Variants in PRUNE2 observed in about 807,000 individuals in gnomAD.
PRUNE2 encodes protein prune homolog 2.
Under a neutral mutation model 252.0 loss-of-function variants are expected in PRUNE2, and 164 were observed. The ratio of observed to expected loss-of-function variants is 0.65; its 90% CI spans 0.57 to 0.74. The LOEUF (loss-of-function observed/expected upper bound fraction) is 0.74. PRUNE2 is among the 30% of genes least tolerant of loss of function. The pLI is 0.00. For synonymous variants in PRUNE2, 1,292 were observed against 1,350.2 expected, an observed-to-expected ratio of 0.96 and a Z score of 0.94; for missense variants, 3,495 against 3,711.0, an observed-to-expected ratio of 0.94 and a Z score of 1.51.
rs1188182796 is a variant in PRUNE2, at chr9:76,706,326, A to T, written c.5948T>A (p.Val1983Asp). Residue 1983 changes from valine (V) to aspartate (D), a missense_variant, in exon 8 of 19, where the codon GTT (valine) becomes GAT (aspartate). Val to Asp is a radical substitution (Grantham distance 152, BLOSUM62 -3). Transcript: ENST00000376718. ...AFTHAEENSC[V>D]TSNVSTNEGQ... ...TTCATTAGTTGAAACATTAGATGTA[A>T]CACAACTATTTTCCTCTGCGTGAGT... The T allele has an allele frequency of 6.2e-7, 1 of 1,613,798 alleles. No homozygotes were observed. Among genetic ancestry groups the T allele is most frequent in the East Asian group, 2.2e-5 (1 of 44,898 alleles).
Position 76,707,355 on chromosome 9 carries a change from G to A in PRUNE2, c.4919C>T (p.Pro1640Leu), listed in dbSNP as rs1462462102. Reference sequence around the variant, plus strand: ...ATGTTCAGAATATTTGCCTGTTTCAGGACTGGATAAAGAGGAAAAGGAATC... The same window carrying A: ...ATGTTCAGAATATTTGCCTGTTTCAAGACTGGATAAAGAGGAAAAGGAATC... ...DGDSFSSLSS[P>L]ETGKYSEHSG... Residue 1640 changes from proline (P) to leucine (L), a missense_variant, in exon 8 of 19, where the codon CCT becomes CTT. Transcript: ENST00000376718. 6 of 1,613,796 alleles carry A rather than the reference G, an allele frequency of 3.7e-6. No individual in the cohort carries two copies. The highest frequency in any genetic ancestry group is 1.3e-5 in the African/African-American group (1 of 74,914).
intron 3 of PRUNE2, among the ~76,000 whole-genome samples, chr9:76,849,811 T>G (rs2059858330): frequency 6.6e-6 from 1 of 151,166 alleles, no homozygotes; most frequent in Admixed American, 6.6e-5. Context: ...GGGCGAGAGA[T>G]CGAGACTCTG....
chr9:76,839,400 C>G (rs984428093), intron 4 of PRUNE2, among the ~76,000 whole-genome samples: 1 of 152,010 alleles, frequency 6.6e-6, no homozygotes, highest in African/African-American at 2.4e-5. Flanking sequence ...AGAGAGATGA[C>G]GAGATACTAT....
In PRUNE2 at chr9:76,838,638, T is replaced by G. The variant is rs2059202197; in HGVS notation, c.508+7877A>C. On this transcript the variant is annotated intron_variant, in intron 4 of 18. Transcript: ENST00000376718. ...CCAGCCTGGGCAACAAGAGCGAAAC[T>G]CTGTCTCAAAAAAAAAAAAAAAAAA... 3.9e-5 allele frequency among the ~76,000 whole-genome samples: 4 copies of G among 103,874 alleles called. No individual in the cohort carries two copies. The South Asian group carries it at 1.1e-3, about 28-fold the overall frequency. The allele number at this position is 103,874 out of a possible 152,430, so 68.1% of individuals were successfully genotyped here. A position where few individuals can be genotyped will look rare whatever the true frequency, so the allele number is the denominator to read the frequency against.
chr9:76,823,840 A>G, intron 5 of PRUNE2, 114 bp from the exon 6 acceptor site: 1 of 658,782 alleles, frequency 1.5e-6, no homozygotes, highest in Non-Finnish European at 2.7e-6. Context: ...TGCCCCTCAA[A>G]TGTCACTTTT....
intron 1 of PRUNE2, among the ~76,000 whole-genome samples, chr9:76,905,242 T>C (rs1309378421): frequency 6.6e-6 from 1 of 152,212 alleles, no homozygotes; most frequent in Non-Finnish European, 1.5e-5. Flanking sequence ...GAGTTGCCCA[T>C]TCACTGTTTG....
At chr9:76,697,441 C>T (rs2045494926) in intron 9 of PRUNE2, among the ~76,000 whole-genome samples, 1 of 152,188 alleles carries the variant, frequency 6.6e-6, no homozygotes, top group African/African-American at 2.4e-5. Flanking sequence ...GTCCCACACA[C>T]CACAGATGGG....
At chr9:76,676,511 A>G (rs535693878) in intron 9 of PRUNE2, among the ~76,000 whole-genome samples, 3 of 152,308 alleles carry the variant, frequency 2.0e-5, no homozygotes, top group African/African-American at 7.2e-5. Flanking sequence ...GATAATATCT[A>G]GGAAGAATAC....
chr9:76,709,631 AT>A lies in PRUNE2; in HGVS notation c.2642del (p.Asn881IlefsTer23), dbSNP rs1343020314. The A allele has an allele frequency of 7.4e-6, 12 of 1,613,824 alleles. No homozygotes were observed. The highest frequency in any genetic ancestry group is 1.0e-5 in the Non-Finnish European group (12 of 1,179,892). On this transcript the variant is annotated frameshift_variant, in exon 8 of 19. Transcript: ENST00000376718. LOFTEE classifies it high-confidence loss of function. ...DSRDHIFAPGNPSSDLDHTWT... is the reference protein window; with the variant it reads ...DSRDHIFAPGXPSSDLDHTWT... ...ATGTGTGATCCAGATCAGAACTGGG[AT>A]TTCCAGGTGCAAAGATGTGATCCCT...
At chr9:76,795,539 A>G (rs891823707) in intron 6 of PRUNE2, among the ~76,000 whole-genome samples, 1 of 152,010 alleles carries the variant, frequency 6.6e-6, no homozygotes, top group Non-Finnish European at 1.5e-5. Flanking sequence ...TTGAGTTACT[A>G]ATAGCCCCTG....
At chr9:76,814,190 A>G (rs1338155180) in intron 6 of PRUNE2, among the ~76,000 whole-genome samples, 3 of 152,228 alleles carry the variant, frequency 2.0e-5, no homozygotes, top group Non-Finnish European at 4.4e-5. Context: ...AACATTTACT[A>G]GCATACCACT....
chr9:76,676,142 A>C (rs1340757966), intron 9 of PRUNE2, among the ~76,000 whole-genome samples: 1 of 151,962 alleles, frequency 6.6e-6, no homozygotes, highest in Non-Finnish European at 1.5e-5. Flanking sequence ...AGTTGACAAG[A>C]AACAGAATTA....
At chr9:76,859,194 G>A (rs1191094137) in intron 1 of PRUNE2, among the ~76,000 whole-genome samples, 1 of 152,146 alleles carries the variant, frequency 6.6e-6, no homozygotes, top group African/African-American at 2.4e-5. Context: ...CATAATCAAT[G>A]TAAAAAAGAA....
intron 15 of PRUNE2, among the ~76,000 whole-genome samples, chr9:76,633,537 G>A (rs989680963): frequency 2.2e-5 from 3 of 134,582 alleles, no homozygotes; most frequent in Non-Finnish European, 4.8e-5. Flanking sequence ...AGCCGAGATC[G>A]CACCACAGCA....
intron 4 of PRUNE2, among the ~76,000 whole-genome samples, chr9:76,836,694 TAAG>T (rs1001031007): frequency 6.6e-6 from 1 of 152,178 alleles, no homozygotes; most frequent in Non-Finnish European, 1.5e-5. Context: ...CTAGCTATTG[TAAG>T]AAGTATTAAT....
Position 76,823,656 on chromosome 9 carries a change from A to G in PRUNE2, c.732T>C (p.Ile244=), listed in dbSNP as rs1451221181. The change falls in exon 6 of 19, where the codon ATT becomes ATC. Residue 244 remains isoleucine (I), a synonymous_variant. Transcript: ENST00000376718. ...CCTCAAGGTTCATGCTCACAGTACT[A>G]ATGGCCACTTTTATTTCTCCATCTG... ...ELSDGEIKVA[I]STVSMNLENC... The G allele has an allele frequency of 1.9e-6, 3 of 1,603,908 alleles. No homozygotes were observed. The highest frequency in any genetic ancestry group is 1.3e-5 in the African/African-American group (1 of 74,790).
chr9:76,671,188 C>A, intron 9 of PRUNE2, among the ~76,000 whole-genome samples: 2 of 142,564 alleles, frequency 1.4e-5, no homozygotes, highest in Non-Finnish European at 1.5e-5. Context: ...CTGGAATAAC[C>A]AATACAGAGA....
At chr9:76,736,927 C>G in intron 6 of PRUNE2, 1 of 152,156 alleles carries the variant, frequency 6.6e-6, no homozygotes. Flanking sequence ...TTTTGAGAAC[C>G]ACAAGCCTTC....
At chr9:76,666,133 A>G (rs996694285) in intron 9 of PRUNE2, among the ~76,000 whole-genome samples, 1 of 152,216 alleles carries the variant, frequency 6.6e-6, no homozygotes, top group Non-Finnish European at 1.5e-5. Flanking sequence ...ATGCCCGGAC[A>G]GGGCCACCAG....
Sources: allele counts gnomAD v4.1 joint callset (sites outside exome capture counted in the v4.1 genomes callset), GRCh38; gene constraint gnomAD v4.1.1; transcripts MANE v1.5; gene names NCBI Gene and HGNC (gene_info 2026-07-23, HGNC 2026-07-21).